ATG7: variants seen among roughly 807,000 people sequenced by gnomAD.
ATG7 encodes the protein ubiquitin-like modifier-activating enzyme ATG7.
Under a neutral mutation model 82.4 loss-of-function variants are expected in ATG7, and 70 were observed. The observed-to-expected ratio is 0.85, with a 90% CI of 0.70 to 1.04. The LOEUF is 1.04. Ranked by LOEUF, ATG7 falls within the 50% of genes least tolerant of loss-of-function variation. The probability of loss-of-function intolerance (pLI) is 0.00; values close to 1 mark genes in which losing one functional copy is unlikely to be tolerated. For missense variants in ATG7, 792 were observed against 864.3 expected (o/e 0.92, Z 1.05); for synonymous variants, 287 against 313.0 (o/e 0.92, Z 0.88).
At chr3:11,399,008 C>T (rs1489245036) in intron 19 of ATG7, among the ~76,000 whole-genome samples, 1 of 152,132 alleles carries the variant, frequency 6.6e-6, no homozygotes, top group Non-Finnish European at 1.5e-5. Flanking sequence ...TATGGTGAGG[C>T]TGAGCAAAAG....
At chr3:11,438,184 G>A (rs1159654723) in intron 20 of ATG7, among the ~76,000 whole-genome samples, 7 of 152,112 alleles carry the variant, frequency 4.6e-5, no homozygotes, top group African/African-American at 1.2e-4. Flanking sequence ...CTAGGTGAGC[G>A]TCTTCTCTGG....
At chr3:11,308,705 G>A in intron 6 of ATG7, 1 of 496,360 alleles carries the variant, frequency 2.0e-6, no homozygotes, top group South Asian at 2.5e-5. Flanking sequence ...AGATTGTGAA[G>A]GCATGAAAAT....
At chr3:11,299,515 G>C (rs1946454213) in intron 5 of ATG7, 99 bp downstream of exon 5, 1 of 1,299,424 alleles carries the variant, frequency 7.7e-7, no homozygotes, top group Non-Finnish European at 1.1e-6. Context: ...AGGAGGACTA[G>C]GGAAGTTCCC....
At chr3:11,463,868 A>G (rs909920884) in intron 20 of ATG7, among the ~76,000 whole-genome samples, 1 of 152,170 alleles carries the variant, frequency 6.6e-6, no homozygotes, top group Non-Finnish European at 1.5e-5. Flanking sequence ...GGGACCAGTC[A>G]AGTTAGACTA....
intron 20 of ATG7, among the ~76,000 whole-genome samples, chr3:11,457,945 T>C (rs187571915): frequency 4.7e-4 from 71 of 152,270 alleles, no homozygotes; most frequent in African/African-American, 1.7e-3. Context: ...CCGGTAAGTA[T>C]ATATTGGTTG....
intron 19 of ATG7, among the ~76,000 whole-genome samples, chr3:11,417,681 TG>T (rs2081485000): frequency 6.6e-6 from 1 of 151,938 alleles, no homozygotes; most frequent in East Asian, 1.9e-4. Flanking sequence ...GATTAATATC[TG>T]CCATATTTGT....
At chr3:11,446,529 A>G (rs2152977271) in intron 20 of ATG7, 2 of 445,314 alleles carry the variant, frequency 4.5e-6, no homozygotes, top group Non-Finnish European at 9.0e-6. Flanking sequence ...ATTTTCTTAC[A>G]TTGATACCTA....
At chr3:11,552,797 C>T (rs2071935366) in intron 20 of ATG7, among the ~76,000 whole-genome samples, 1 of 152,234 alleles carries the variant, frequency 6.6e-6, no homozygotes, top group African/African-American at 2.4e-5. Context: ...AGCAAGGGGT[C>T]AGCCAGGCAC....
chr3:11,522,606 G>A (rs965647373), intron 20 of ATG7, among the ~76,000 whole-genome samples: 4 of 152,072 alleles, frequency 2.6e-5, no homozygotes, highest in South Asian at 2.1e-4. Flanking sequence ...AGAAGGAATC[G>A]TGCCCCAAGG....
chr3:11,393,746 T>C (rs1410864389), intron 19 of ATG7, among the ~76,000 whole-genome samples: 2 of 152,066 alleles, frequency 1.3e-5, no homozygotes, highest in African/African-American at 4.8e-5. Flanking sequence ...AGAGGTGCGA[T>C]CTTGGCTCAC....
chr3:11,356,089 A>G (rs2075912886), intron 14 of ATG7, among the ~76,000 whole-genome samples: 1 of 152,224 alleles, frequency 6.6e-6, no homozygotes, highest in Non-Finnish European at 1.5e-5. Context: ...TTTATGTGAT[A>G]TGTTCTAGAA....
intron 20 of ATG7, among the ~76,000 whole-genome samples, chr3:11,475,560 G>A (rs987798112): frequency 4.6e-5 from 7 of 152,090 alleles, no homozygotes; most frequent in African/African-American, 1.2e-4. Flanking sequence ...AAAGGGCTGC[G>A]GGGGAGGCTT....
At chr3:11,421,506 A>G (rs1018593398) in intron 19 of ATG7, among the ~76,000 whole-genome samples, 2 of 152,172 alleles carry the variant, frequency 1.3e-5, no homozygotes, top group African/African-American at 4.8e-5. Context: ...GATTGCAGCA[A>G]TTCAGTCACA....
intron 18 of ATG7, among the ~76,000 whole-genome samples, chr3:11,379,561 A>G (rs911369818): frequency 1.2e-4 from 19 of 152,300 alleles, no homozygotes; most frequent in Non-Finnish European, 2.2e-4. Flanking sequence ...CCCACCCAAA[A>G]TCATGTCATA....
At chr3:11,479,293 G>A (rs537037609) in intron 20 of ATG7, among the ~76,000 whole-genome samples, 112 of 152,274 alleles carry the variant, frequency 7.4e-4, no homozygotes, top group Non-Finnish European at 1.4e-3. Flanking sequence ...GGTGAACTGA[G>A]TTTAAATTAA....
At chr3:11,290,308 C>A in intron 3 of ATG7, 1 of 156,804 alleles carries the variant, frequency 6.4e-6, no homozygotes, top group Non-Finnish European at 1.4e-5. Context: ...TCATTCAGCA[C>A]CTGGACTGCC....
chr3:11,386,142 A>T (rs1039934688), intron 19 of ATG7, among the ~76,000 whole-genome samples: 3 of 152,188 alleles, frequency 2.0e-5, no homozygotes, highest in Non-Finnish European at 4.4e-5. Context: ...AGTGACCACA[A>T]GCAAGGTGCT....
At chr3:11,506,587 C>A (rs1198146992) in intron 20 of ATG7, among the ~76,000 whole-genome samples, 1,920 of 119,338 alleles carry the variant, frequency 0.016, 61 homozygotes, top group Middle Eastern at 0.029. Context: ...AAAAAAAACC[C>A]AAAAATTAGC....
chr3:11,389,798 A>T (rs1398613703), intron 19 of ATG7, among the ~76,000 whole-genome samples: 1 of 152,220 alleles, frequency 6.6e-6, no homozygotes, highest in East Asian at 1.9e-4. Flanking sequence ...CTGTCGTCAT[A>T]AGTCTTGGCA....
Sources: gnomAD v4.1 joint callset for allele counts (sites outside exome capture counted in the v4.1 genomes callset) on GRCh38, gnomAD v4.1.1 for gene constraint, MANE v1.5 for transcripts, NCBI Gene and HGNC (gene_info 2026-07-23, HGNC 2026-07-21) for gene names.